Variants in NRXN3 observed in about 807,000 individuals in gnomAD.
The protein encoded by NRXN3 is neurexin 3, also known as neurexin III.
Under a neutral mutation model 137.6 loss-of-function variants are expected in NRXN3, and 32 were observed. That is an observed-to-expected ratio of 0.23 (90% CI 0.18 to 0.31). The LOEUF is 0.31. NRXN3 is among the 10% of genes least tolerant of loss of function. The pLI is 1.00. For missense variants in NRXN3, 1,574 were observed against 2,062.5 expected (o/e 0.76, Z 4.59); for synonymous variants, 798 against 784.5 (o/e 1.02, Z -0.29).
intron 10 of NRXN3, among the ~76,000 whole-genome samples, chr14:78,862,728 A>G (rs1474225101): frequency 1.3e-5 from 2 of 152,174 alleles, no homozygotes; most frequent in African/African-American, 2.4e-5. Context: ...CTGTCATGAA[A>G]ACATGTACAA....
At chr14:79,227,271 C>T (rs1412152244) in intron 15 of NRXN3, among the ~76,000 whole-genome samples, 1 of 152,126 alleles carries the variant, frequency 6.6e-6, no homozygotes. Flanking sequence ...CTCAAGGGCC[C>T]TGTTGGTGGC....
intron 15 of NRXN3, among the ~76,000 whole-genome samples, chr14:79,290,687 C>T (rs555757102): frequency 4.0e-5 from 6 of 151,088 alleles, no homozygotes; most frequent in African/African-American, 4.9e-5. Context: ...AAAAAAATAG[C>T]CACCACGCTG....
At chr14:79,164,564 G>A (rs561986272) in intron 15 of NRXN3, among the ~76,000 whole-genome samples, 1 of 152,068 alleles carries the variant, frequency 6.6e-6, no homozygotes, top group South Asian at 2.1e-4. Flanking sequence ...TTTTTGAAAT[G>A]CTACACTCAC....
intron 4 of NRXN3, among the ~76,000 whole-genome samples, chr14:78,443,793 G>A (rs1218308719): frequency 6.6e-6 from 1 of 152,196 alleles, no homozygotes; most frequent in Non-Finnish European, 1.5e-5. Context: ...GTACATAGTA[G>A]GAGCTTAGTC....
In NRXN3 at chr14:78,790,607, C is replaced by T. The variant is rs140785122; in HGVS notation, c.2045-13013C>T. 2.4e-3 allele frequency among the ~76,000 whole-genome samples: 371 copies of T among 152,178 alleles called. 3 individuals are homozygous for T. The highest frequency in any genetic ancestry group is 8.6e-3 in the African/African-American group (358 of 41,516). The stretch of plus-strand genomic sequence containing the variant: ...TTGGGTGGAGGGAAAGCAATCTGGG[C>T]ATTTTAGAAGCTTTGTCAGAATAAA... On this transcript the variant is annotated intron_variant, in intron 8 of 20. Coordinates refer to ENST00000335750, the MANE Select transcript of NRXN3 (RefSeq NM_001330195.2).
chr14:78,680,663 G>T (rs2098065157), intron 6 of NRXN3, among the ~76,000 whole-genome samples: 1 of 152,090 alleles, frequency 6.6e-6, no homozygotes, highest in Non-Finnish European at 1.5e-5. Context: ...AAGTAGAGTG[G>T]TTTGATTTTA....
intron 16 of NRXN3, among the ~76,000 whole-genome samples, chr14:79,632,847 A>T (rs999191008): frequency 2.6e-5 from 4 of 152,174 alleles, no homozygotes; most frequent in Non-Finnish European, 4.4e-5. Context: ...TCAATTCTCC[A>T]TTGGCTTGTT....
At position 78,978,789 on chromosome 14, in the gene NRXN3, A is replaced by T. The variant is rs942614418; in HGVS notation, c.3143-9233A>T. On this transcript the variant is annotated intron_variant, in intron 14 of 20. Coordinates refer to ENST00000335750, the MANE Select transcript of NRXN3 (RefSeq NM_001330195.2). ...ATATTATATAAAATATATATTATTT[A>T]TATACATATGTATAAAAATAGGAAT... is the stretch of plus-strand genomic sequence containing the variant. 2.0e-4 allele frequency among the ~76,000 whole-genome samples: 29 copies of T among 148,508 alleles called. No homozygotes were observed. The Admixed American group carries it at 2.0e-3, about 10-fold the overall frequency.
intron 4 of NRXN3, among the ~76,000 whole-genome samples, chr14:78,530,844 C>CT (rs1331168126): frequency 6.6e-6 from 1 of 152,150 alleles, no homozygotes; most frequent in African/African-American, 2.4e-5. Flanking sequence ...CTGTTAAATT[C>CT]TTTTAGGAGC....
intron 4 of NRXN3, among the ~76,000 whole-genome samples, chr14:78,405,796 A>G (rs1176569813): frequency 6.6e-6 from 1 of 152,210 alleles, no homozygotes; most frequent in Non-Finnish European, 1.5e-5. Flanking sequence ...TGGACTTAAT[A>G]TCAACTATGT....
At position 79,188,593 on chromosome 14, in the gene NRXN3, G is replaced by A. The variant is rs372684114; in HGVS notation, c.3262+200452G>A. On this transcript the variant is annotated intron_variant, in intron 15 of 20. Coordinates refer to ENST00000335750, the MANE Select transcript of NRXN3 (RefSeq NM_001330195.2). Reference sequence around the variant, plus strand: ...CAAGTAACTTCAAACTCCCCAGAGGGGACAGCAGCCATTCTTAAATCCACC... The same window carrying A: ...CAAGTAACTTCAAACTCCCCAGAGGAGACAGCAGCCATTCTTAAATCCACC... 4.6e-5 allele frequency among the ~76,000 whole-genome samples: 7 copies of A among 152,056 alleles called. 1 individual carries two copies. In the South Asian group the frequency reaches 1.5e-3, roughly 32 times the overall value.
chr14:79,665,814 C>T (rs992149462), intron 17 of NRXN3, among the ~76,000 whole-genome samples: 10 of 152,098 alleles, frequency 6.6e-5, no homozygotes, highest in Admixed American at 3.3e-4. Flanking sequence ...TCTTTAGTTC[C>T]AAATTATGGG....
At chr14:79,716,125 A>C (rs2098822883) in intron 19 of NRXN3, among the ~76,000 whole-genome samples, 1 of 152,164 alleles carries the variant, frequency 6.6e-6, no homozygotes, top group East Asian at 1.9e-4. Flanking sequence ...ACTGCATCAC[A>C]TGGTCATGTG....
intron 16 of NRXN3, among the ~76,000 whole-genome samples, chr14:79,630,921 G>C (rs1319388128): frequency 6.6e-6 from 1 of 152,186 alleles, no homozygotes; most frequent in African/African-American, 2.4e-5. Flanking sequence ...GTAAGTTCTT[G>C]TTTGGTACAA....
intron 19 of NRXN3, among the ~76,000 whole-genome samples, chr14:79,779,865 AATTTT>A (rs1290229355): frequency 6.6e-6 from 1 of 151,984 alleles, no homozygotes; most frequent in Admixed American, 6.6e-5. Context: ...GCTCCTCTGT[AATTTT>A]ATTTTATTTT....
intron 15 of NRXN3, among the ~76,000 whole-genome samples, chr14:79,139,270 G>A (rs17509409): frequency 0.082 from 12,536 of 152,132 alleles, 647 homozygotes; most frequent in Non-Finnish European, 0.12. Flanking sequence ...GTGTCATTTG[G>A]ACTTTTTATG....
intron 4 of NRXN3, among the ~76,000 whole-genome samples, chr14:78,609,402 A>G (rs1043735964): frequency 6.6e-6 from 1 of 152,228 alleles, no homozygotes; most frequent in Non-Finnish European, 1.5e-5. Flanking sequence ...GATGATGGAG[A>G]AACCCAGGTC....
chr14:78,432,767 T>A (rs994438889), intron 4 of NRXN3, among the ~76,000 whole-genome samples: 2 of 152,174 alleles, frequency 1.3e-5, no homozygotes, highest in African/African-American at 2.4e-5. Context: ...CAGACTGGTA[T>A]AATTGTTGGA....
At chr14:78,773,862 C>T (rs1441368836) in intron 8 of NRXN3, among the ~76,000 whole-genome samples, 4 of 152,034 alleles carry the variant, frequency 2.6e-5, no homozygotes, top group Non-Finnish European at 5.9e-5. Context: ...AGTGCAGTGG[C>T]GCGATCTTGG....
Sources: allele counts gnomAD v4.1 joint callset (sites outside exome capture counted in the v4.1 genomes callset), GRCh38; gene constraint gnomAD v4.1.1; transcripts MANE v1.5; gene names NCBI Gene and HGNC (gene_info 2026-07-23, HGNC 2026-07-21).